STXBP4: variants seen among roughly 807,000 people sequenced by gnomAD.
STXBP4 encodes the protein syntaxin binding protein 4.
A neutral mutation model predicts 76.1 loss-of-function variants in STXBP4; 55 were observed. The ratio of observed to expected loss-of-function variants is 0.72; its 90% CI spans 0.58 to 0.91. The LOEUF is 0.91. STXBP4 is among the 40% of genes least tolerant of loss of function. The pLI, the probability that STXBP4 is intolerant of heterozygous loss-of-function variation, is 0.00. For synonymous variants in STXBP4, 201 were observed against 220.2 expected, an observed-to-expected ratio of 0.91 and a Z score of 0.77; for missense variants, 618 against 636.9, an observed-to-expected ratio of 0.97 and a Z score of 0.32.
In STXBP4 at chr17:55,108,346, C is replaced by T. The variant is rs147894394; in HGVS notation, c.1489+27163C>T. Reference sequence around the variant, plus strand: ...CAATGGATCTTAGCTTGCTGGGCTCCGTGGGAGTGGGATCCACTGAGCTAG... The same window carrying T: ...CAATGGATCTTAGCTTGCTGGGCTCTGTGGGAGTGGGATCCACTGAGCTAG... On this transcript the variant is annotated intron_variant, in intron 16 of 17. Transcript: ENST00000376352. Among the ~76,000 whole-genome samples the T allele has an allele frequency of 3.5e-4, 53 of 152,274 alleles. No homozygotes were observed. The East Asian group carries it at 6.4e-3, about 18-fold the overall frequency.
chr17:54,978,520 T>C (rs2077502526), intron 1 of STXBP4, among the ~76,000 whole-genome samples: 1 of 152,226 alleles, frequency 6.6e-6, no homozygotes, highest in Non-Finnish European at 1.5e-5. Context: ...ACCAGATCTA[T>C]GTTATTTTCT....
rs548684806 is a variant in STXBP4, at chr17:55,018,707, T to G, written c.666+11110T>G. The stretch of plus-strand genomic sequence containing the variant: ...GGCGGTGGAGTTAAGAGCAATGTTT[T>G]GGGGGCAGGGGGTGGATCTCACAAA... On this transcript the variant is annotated intron_variant, in intron 8 of 17. Transcript: ENST00000376352. Among the ~76,000 whole-genome samples the G allele has an allele frequency of 9.9e-5, 15 of 151,964 alleles. No homozygotes were observed. In the South Asian group the frequency reaches 3.1e-3, roughly 32 times the overall value.
At chr17:55,109,418 G>C (rs2079682577) in intron 16 of STXBP4, among the ~76,000 whole-genome samples, 1 of 151,904 alleles carries the variant, frequency 6.6e-6, no homozygotes, top group Non-Finnish European at 1.5e-5. Flanking sequence ...ACTATGATTG[G>C]TATGATAGTA....
At chr17:55,141,117 G>A (rs2080090071) in intron 16 of STXBP4, among the ~76,000 whole-genome samples, 193 bp from the exon 17 acceptor site, 1 of 152,186 alleles carries the variant, frequency 6.6e-6, no homozygotes, top group South Asian at 2.1e-4. Flanking sequence ...AACTGCTCAA[G>A]ACTTATTTAT....
At chr17:55,183,699 T>C in the STXBP4 span, among the ~76,000 whole-genome samples, 3 of 152,134 alleles carry the variant, frequency 2.0e-5, no homozygotes, top group South Asian at 2.1e-4. Context: ...TTAAGAGATA[T>C]ACAGTGCAAA....
intron 12 of STXBP4, among the ~76,000 whole-genome samples, chr17:55,050,620 A>T (rs1466212832): frequency 6.6e-6 from 1 of 152,154 alleles, no homozygotes; most frequent in East Asian, 1.9e-4. Context: ...CAGAATATTA[A>T]CATGTACCTA....
chr17:55,095,086 G>A (rs1359855228), intron 16 of STXBP4, among the ~76,000 whole-genome samples: 5 of 152,144 alleles, frequency 3.3e-5, no homozygotes, highest in Admixed American at 2.0e-4. Context: ...GGGATTGCAG[G>A]ATGTGTACTA....
At chr17:55,001,973 T>C (rs2077927634) in intron 7 of STXBP4, among the ~76,000 whole-genome samples, 1 of 152,200 alleles carries the variant, frequency 6.6e-6, no homozygotes, top group Non-Finnish European at 1.5e-5. Flanking sequence ...TATACTATAT[T>C]CCACAGTAGT....
chr17:55,019,751 T>C (rs1444342655), intron 8 of STXBP4, among the ~76,000 whole-genome samples: 1 of 152,172 alleles, frequency 6.6e-6, no homozygotes, highest in Non-Finnish European at 1.5e-5. Flanking sequence ...TCTGAAAATA[T>C]TTTGCCCTCA....
At chr17:55,114,814 T>A (rs1213187272) in intron 16 of STXBP4, among the ~76,000 whole-genome samples, 2 of 152,046 alleles carry the variant, frequency 1.3e-5, no homozygotes, top group East Asian at 3.9e-4. Context: ...GTTCTTCCCA[T>A]TGAACACAAT....
chr17:55,111,869 A>C (rs2079722379), intron 16 of STXBP4, among the ~76,000 whole-genome samples: 2 of 151,924 alleles, frequency 1.3e-5, no homozygotes, highest in African/African-American at 2.4e-5. Context: ...AGACCTTCAC[A>C]AGACTCACGC....
chr17:55,105,874 T>C (rs2079628948), intron 16 of STXBP4, among the ~76,000 whole-genome samples: 1 of 152,162 alleles, frequency 6.6e-6, no homozygotes, highest in Admixed American at 6.5e-5. Context: ...GTTTTACTTC[T>C]GTTTATGTGG....
At chr17:55,051,083 G>A (rs2078852696) in intron 12 of STXBP4, among the ~76,000 whole-genome samples, 1 of 152,108 alleles carries the variant, frequency 6.6e-6, no homozygotes, top group Non-Finnish European at 1.5e-5. Flanking sequence ...AAACTACACA[G>A]CAATGAAATT....
intron 4 of STXBP4, among the ~76,000 whole-genome samples, chr17:54,994,200 C>T (rs1413699274): frequency 6.6e-6 from 1 of 152,214 alleles, no homozygotes; most frequent in Non-Finnish European, 1.5e-5. Flanking sequence ...GGCCCTTTCA[C>T]TGTGTCAGCT....
chr17:55,113,483 T>C lies in STXBP4; in HGVS notation c.1490-27827T>C, dbSNP rs565862871. On this transcript the variant is annotated intron_variant, in intron 16 of 17. Coordinates refer to ENST00000376352, the MANE Select transcript of STXBP4 (RefSeq NM_178509.6). Reference sequence around the variant, plus strand: ...GGACAAATTCCTGCTTATGCCCAGATTTCTGTGACTTTCTAGTGAGATGTG... The same window carrying C: ...GGACAAATTCCTGCTTATGCCCAGACTTCTGTGACTTTCTAGTGAGATGTG... 1.8e-4 allele frequency among the ~76,000 whole-genome samples: 28 copies of C among 152,272 alleles called. No individual in the cohort carries two copies. In the South Asian group the frequency reaches 5.6e-3, roughly 30 times the overall value.
intron 12 of STXBP4, among the ~76,000 whole-genome samples, chr17:55,067,165 C>T (rs2079062513): frequency 6.6e-6 from 1 of 152,136 alleles, no homozygotes; most frequent in East Asian, 1.9e-4. Context: ...AGGGTTTTTA[C>T]TCTCAGACAG....
intron 8 of STXBP4, among the ~76,000 whole-genome samples, chr17:55,018,036 G>C (rs917676936): frequency 1.3e-5 from 2 of 152,092 alleles, no homozygotes; most frequent in Non-Finnish European, 2.9e-5. Flanking sequence ...CCAGGATGGT[G>C]GTGGGCCGCT....
intron 16 of STXBP4, among the ~76,000 whole-genome samples, chr17:55,085,876 A>G (rs1283306127): frequency 6.6e-6 from 1 of 152,182 alleles, no homozygotes; most frequent in Non-Finnish European, 1.5e-5. Context: ...TTATATATCA[A>G]AAACTCCTAA....
At chr17:55,012,736 T>A (rs532654470) in intron 8 of STXBP4, among the ~76,000 whole-genome samples, 4 of 152,292 alleles carry the variant, frequency 2.6e-5, no homozygotes, top group African/African-American at 7.2e-5. Context: ...TACTTTCAAA[T>A]ATTCCATTAT....
Sources: gnomAD v4.1 joint callset for allele counts (sites outside exome capture counted in the v4.1 genomes callset) on GRCh38, gnomAD v4.1.1 for gene constraint, MANE v1.5 for transcripts, NCBI Gene and HGNC (gene_info 2026-07-23, HGNC 2026-07-21) for gene names.